Variants in PTPRN2 observed in about 807,000 individuals in gnomAD.
PTPRN2 encodes the protein receptor-type tyrosine-protein phosphatase N2.
A neutral mutation model predicts 118.8 loss-of-function variants in PTPRN2; 74 were observed. The observed-to-expected ratio is 0.62, with a 90% CI of 0.52 to 0.76. PTPRN2 has a LOEUF of 0.76. Among genes scored for constraint, PTPRN2 ranks in the 30% least tolerant of loss-of-function variants. PTPRN2 has a pLI of 0.00. For missense variants in PTPRN2, 1,481 were observed against 1,394.4 expected (o/e 1.06, Z -0.99); for synonymous variants, 641 against 608.0 (o/e 1.05, Z -0.80).
intron 2 of PTPRN2, among the ~76,000 whole-genome samples, chr7:158,337,698 C>A (rs1472098357): frequency 6.8e-6 from 1 of 147,990 alleles, no homozygotes; most frequent in African/African-American, 2.6e-5. Flanking sequence ...CACCCACACT[C>A]TCACCATAAG....
chr7:158,184,696 C>T lies in PTPRN2; in HGVS notation c.549+7631G>A, dbSNP rs141913185. On this transcript the variant is annotated intron_variant, in intron 5 of 22. Transcript: ENST00000389418. Reference sequence around the variant, plus strand: ...GCATGGTGGTGGGTGCCTATAATCCCAGCTACTCGGGAGGCTGAGGTAGGA... The same window carrying T: ...GCATGGTGGTGGGTGCCTATAATCCTAGCTACTCGGGAGGCTGAGGTAGGA... Among the ~76,000 whole-genome samples, 504 of 152,210 alleles carry T rather than the reference C, an allele frequency of 3.3e-3. 3 individuals carry two copies. The highest frequency in any genetic ancestry group is 0.012 in the African/African-American group (491 of 41,516).
At chr7:158,117,452 G>C (rs1316375997) in intron 9 of PTPRN2, among the ~76,000 whole-genome samples, 1 of 152,132 alleles carries the variant, frequency 6.6e-6, no homozygotes, top group Non-Finnish European at 1.5e-5. Flanking sequence ...TATATGAATT[G>C]TGAGAGGAAA....
intron 2 of PTPRN2, among the ~76,000 whole-genome samples, chr7:158,333,966 C>G (rs868740812): frequency 9.8e-3 from 213 of 21,784 alleles, no homozygotes; most frequent in Middle Eastern, 0.017. Flanking sequence ...CACTCACACC[C>G]ACAATCTCAC....
At chr7:158,257,974 T>C (rs1354988920) in intron 3 of PTPRN2, among the ~76,000 whole-genome samples, 6 of 152,254 alleles carry the variant, frequency 3.9e-5, no homozygotes, top group Non-Finnish European at 5.9e-5. Context: ...GGTCTCATCA[T>C]AGCTACCTTC....
rs1478429510 is a variant in PTPRN2 at position 158,131,485 on chromosome 7, CTTAT to C, written c.1556+2188_1556+2191del. ...TGACACACGCACTCATACACACACA[CTTAT>C]ACACACAAACCAATACACATCTACC... is the stretch of plus-strand genomic sequence containing the variant. On this transcript the variant is annotated intron_variant, in intron 9 of 22. Coordinates refer to ENST00000389418, the MANE Select transcript of PTPRN2 (RefSeq NM_002847.5). Among the ~76,000 whole-genome samples, 6 of 147,910 alleles carry C rather than the reference CTTAT, an allele frequency of 4.1e-5. No individual in the cohort carries two copies. The East Asian group carries it at 9.7e-4, about 24-fold the overall frequency.
intron 12 of PTPRN2, among the ~76,000 whole-genome samples, chr7:157,689,093 A>AGCC (rs552077632): frequency 1.1e-4 from 16 of 152,220 alleles, no homozygotes; most frequent in African/African-American, 3.9e-4. Context: ...CGGGCGGCGC[A>AGCC]GCCGCCACCG....
At chr7:158,200,678 A>G (rs1235924624) in intron 4 of PTPRN2, among the ~76,000 whole-genome samples, 1 of 152,244 alleles carries the variant, frequency 6.6e-6, no homozygotes, top group Non-Finnish European at 1.5e-5. Context: ...CCTCAAAATT[A>G]CCAAAGAGTA....
At chr7:157,995,265 A>G (rs575542437) in intron 11 of PTPRN2, among the ~76,000 whole-genome samples, 1,848 of 127,792 alleles carry the variant, frequency 0.014, 15 homozygotes, top group African/African-American at 0.052. Flanking sequence ...CCAGCTTACA[A>G]CTCCTTGTTC....
intron 5 of PTPRN2, among the ~76,000 whole-genome samples, chr7:158,178,589 CTTTTT>C (rs56710690): frequency 3.5e-3 from 236 of 67,368 alleles, no homozygotes; most frequent in Middle Eastern, 0.029. Flanking sequence ...CATTTTCTTT[CTTTTT>C]TTTTTTTTTT....
At chr7:157,982,545 C>T (rs1304623301) in intron 11 of PTPRN2, among the ~76,000 whole-genome samples, 1 of 119,858 alleles carries the variant, frequency 8.3e-6, no homozygotes, top group Non-Finnish European at 1.7e-5. Flanking sequence ...GAGGGGAATG[C>T]AGAGTGCAGG....
chr7:158,004,012 A>C (rs953781394), intron 11 of PTPRN2, among the ~76,000 whole-genome samples: 2 of 152,176 alleles, frequency 1.3e-5, no homozygotes, highest in Admixed American at 6.5e-5. Context: ...ACTGAGTTCC[A>C]GAAGACTCCG....
At chr7:158,280,798 G>A (rs755813477) in intron 3 of PTPRN2, among the ~76,000 whole-genome samples, 1 of 152,238 alleles carries the variant, frequency 6.6e-6, no homozygotes, top group Non-Finnish European at 1.5e-5. Context: ...GTCTAAAGTA[G>A]AGAAATAGAA....
intron 12 of PTPRN2, among the ~76,000 whole-genome samples, chr7:157,888,731 G>A (rs573997354): frequency 2.4e-4 from 37 of 152,326 alleles, no homozygotes; most frequent in African/African-American, 8.2e-4. Context: ...CAGCAACCAC[G>A]GTCAATGGGT....
intron 2 of PTPRN2, among the ~76,000 whole-genome samples, chr7:158,439,640 C>A (rs568733188): frequency 2.6e-5 from 4 of 152,296 alleles, no homozygotes; most frequent in South Asian, 2.1e-4. Flanking sequence ...ATCTCTAATT[C>A]TTTTAAATAT....
intron 6 of PTPRN2, among the ~76,000 whole-genome samples, chr7:158,154,248 A>T (rs1442299184): frequency 1.3e-5 from 2 of 152,192 alleles, no homozygotes; most frequent in African/African-American, 4.8e-5. Context: ...ACTCCACCCC[A>T]CCATTCACCA....
Position 157,576,607 on chromosome 7 carries a change from TC to T in PTPRN2, c.2783+5del. ...CACTGCCCTGCCGGCGGGCCGCGCG[TC>T]ATACCTGCGGAAGTCCAGGAGGGAC... On this transcript the variant is annotated splice_donor_5th_base_variant and intron_variant, in intron 19 of 22. Transcript: ENST00000389418. The T allele has an allele frequency of 6.2e-7, 1 of 1,605,648 alleles. No individual in the cohort carries two copies. The highest frequency in any genetic ancestry group is 1.1e-5 in the South Asian group (1 of 89,714).
intron 2 of PTPRN2, among the ~76,000 whole-genome samples, chr7:158,412,726 C>T (rs113944362): frequency 1.8e-4 from 22 of 123,132 alleles, no homozygotes; most frequent in East Asian, 1.1e-3. Context: ...GCCCATCCAG[C>T]GCCCTCCTCA....
chr7:157,743,611 T>C (rs955260313), intron 12 of PTPRN2, among the ~76,000 whole-genome samples: 7 of 152,022 alleles, frequency 4.6e-5, no homozygotes, highest in Admixed American at 3.3e-4. Context: ...GTTGGGCTCC[T>C]GGCAAGCCAT....
chr7:158,373,707 T>A lies in PTPRN2; in HGVS notation c.164-56775A>T, dbSNP rs1017912518. On this transcript the variant is annotated intron_variant, in intron 2 of 22. Transcript: ENST00000389418. Reference sequence around the variant, plus strand: ...TGCAGTGCGGCCAGTTCCCACCGGATGAAAGTTGAAGAAGGAGCAGGATTG... The same window carrying A: ...TGCAGTGCGGCCAGTTCCCACCGGAAGAAAGTTGAAGAAGGAGCAGGATTG... Among the ~76,000 whole-genome samples, 18 of 152,248 alleles carry A rather than the reference T, an allele frequency of 1.2e-4. No individual in the cohort carries two copies. In the South Asian group the frequency reaches 2.7e-3, roughly 23 times the overall value.
Sources: allele counts gnomAD v4.1 joint callset (sites outside exome capture counted in the v4.1 genomes callset), GRCh38; gene constraint gnomAD v4.1.1; transcripts MANE v1.5; gene names NCBI Gene and HGNC (gene_info 2026-07-23, HGNC 2026-07-21).